EPB41L2: variants seen among roughly 807,000 people sequenced by gnomAD.
The protein encoded by EPB41L2 is erythrocyte membrane protein band 4.1 like 2, also known as band 4.1-like protein 2.
Under a neutral mutation model 113.0 loss-of-function variants are expected in EPB41L2, and 43 were observed. The ratio of observed to expected loss-of-function variants is 0.38; its 90% confidence interval spans 0.30 to 0.49. EPB41L2 has a LOEUF of 0.49. Among genes scored for constraint, EPB41L2 ranks in the 20% least tolerant of loss-of-function variants. EPB41L2 has a pLI of 0.95. For missense variants in EPB41L2, 1,147 were observed against 1,223.4 expected (o/e 0.94, Z 0.93); for synonymous variants, 442 against 436.7 (o/e 1.01, Z -0.15).
chr6:130,953,173 C>A (rs1309652924), intron 3 of EPB41L2, among the ~76,000 whole-genome samples: 1 of 151,724 alleles, frequency 6.6e-6, no homozygotes, highest in African/African-American at 2.4e-5. Flanking sequence ...GTAGGAAAGA[C>A]AAGGGACATG....
intron 1 of EPB41L2, among the ~76,000 whole-genome samples, chr6:130,968,730 C>CTTT (rs11340034): frequency 7.0e-6 from 1 of 142,472 alleles, no homozygotes; most frequent in African/African-American, 2.5e-5. Context: ...GCTATAAAAC[C>CTTT]TTTTTTTTTT....
chr6:130,954,040 C>CTTTCTTTCTTT (rs1816373036), intron 3 of EPB41L2, among the ~76,000 whole-genome samples: 9 of 58,860 alleles, frequency 1.5e-4, no homozygotes, highest in African/African-American at 4.8e-4. Context: ...CCTTTTCTTT[C>CTTTCTTTCTTT]TTTTTTTTTT....
chr6:131,039,498 A>T (rs187879222), intron 1 of EPB41L2, among the ~76,000 whole-genome samples: 11 of 152,326 alleles, frequency 7.2e-5, no homozygotes, highest in Admixed American at 5.9e-4. Context: ...GGCCTTAGAG[A>T]TCATCTAACT....
intron 14 of EPB41L2, chr6:130,870,523 CA>C: frequency 1.2e-6 from 1 of 846,032 alleles, no homozygotes; most frequent in Non-Finnish European, 1.8e-6. Flanking sequence ...ACATAGAGGA[CA>C]ATCAAGACAA....
At chr6:131,029,684 T>C (rs1791668040) in intron 1 of EPB41L2, among the ~76,000 whole-genome samples, 1 of 152,184 alleles carries the variant, frequency 6.6e-6, no homozygotes, top group African/African-American at 2.4e-5. Context: ...TCAGATTTAA[T>C]ACATTTACTT....
At chr6:130,879,649 T>C (rs1439579668) in intron 13 of EPB41L2, among the ~76,000 whole-genome samples, 2 of 152,190 alleles carry the variant, frequency 1.3e-5, no homozygotes, top group Non-Finnish European at 1.5e-5. Flanking sequence ...AATTAGCATA[T>C]TCTCAAACAG....
At chr6:130,952,023 G>T (rs1481654127) in intron 3 of EPB41L2, among the ~76,000 whole-genome samples, 1 of 152,142 alleles carries the variant, frequency 6.6e-6, no homozygotes, top group Non-Finnish European at 1.5e-5. Flanking sequence ...AAGATTTGCA[G>T]ATTTTTTGGC....
At chr6:130,919,541 T>C (rs138994647) in intron 4 of EPB41L2, among the ~76,000 whole-genome samples, 30 of 152,286 alleles carry the variant, frequency 2.0e-4, no homozygotes, top group African/African-American at 7.2e-4. Context: ...TTCAACATCT[T>C]TGAACATTCA....
At chr6:131,038,678 C>T (rs1489674494) in intron 1 of EPB41L2, among the ~76,000 whole-genome samples, 1 of 152,178 alleles carries the variant, frequency 6.6e-6, no homozygotes, top group East Asian at 1.9e-4. Flanking sequence ...TTCCATAATA[C>T]TTCTTTCATT....
At chr6:130,896,257 A>G (rs1382352406) in intron 8 of EPB41L2, among the ~76,000 whole-genome samples, 1 of 152,254 alleles carries the variant, frequency 6.6e-6, no homozygotes, top group Non-Finnish European at 1.5e-5. Flanking sequence ...ATATACAAAT[A>G]AAATTACATT....
intron 4 of EPB41L2, among the ~76,000 whole-genome samples, chr6:130,922,732 T>C (rs1219143428): frequency 1.3e-5 from 2 of 152,158 alleles, no homozygotes; most frequent in African/African-American, 4.8e-5. Context: ...GCCATTTATA[T>C]TTTATTTGGA....
At chr6:130,982,961 C>A (rs1439190855) in intron 1 of EPB41L2, among the ~76,000 whole-genome samples, 2 of 152,208 alleles carry the variant, frequency 1.3e-5, no homozygotes, top group Non-Finnish European at 2.9e-5. Context: ...CGCCTAACAA[C>A]CATGTGTAAA....
At chr6:130,896,607 T>G (rs1794744745) in intron 8 of EPB41L2, among the ~76,000 whole-genome samples, 1 of 152,242 alleles carries the variant, frequency 6.6e-6, no homozygotes, top group Non-Finnish European at 1.5e-5. Context: ...ACAACGCAGA[T>G]TCAAGTAAAT....
At chr6:130,970,092 C>G (rs1326481507) in intron 1 of EPB41L2, among the ~76,000 whole-genome samples, 1 of 152,154 alleles carries the variant, frequency 6.6e-6, no homozygotes, top group East Asian at 1.9e-4. Flanking sequence ...AACATATTCC[C>G]TTGCGAAACA....
At chr6:130,885,841 C>G (rs1790774640) in intron 11 of EPB41L2, among the ~76,000 whole-genome samples, 1 of 151,960 alleles carries the variant, frequency 6.6e-6, no homozygotes, top group Non-Finnish European at 1.5e-5. Context: ...TTTTTAATCC[C>G]CTTCCTCAAT....
At chr6:130,976,384 T>C (rs17059896) in intron 1 of EPB41L2, among the ~76,000 whole-genome samples, 6,965 of 152,288 alleles carry the variant, frequency 0.046, 237 homozygotes, top group East Asian at 0.12. Context: ...TGCACATGCG[T>C]CACCTGCAAA....
chr6:130,863,963 T>C (rs1782930391), intron 17 of EPB41L2, among the ~76,000 whole-genome samples: 1 of 152,226 alleles, frequency 6.6e-6, no homozygotes, highest in South Asian at 2.1e-4. Context: ...TTAAAACTCA[T>C]TTATCAATAT....
At chr6:130,879,345 T>C (rs1299258551) in intron 13 of EPB41L2, among the ~76,000 whole-genome samples, 1 of 152,296 alleles carries the variant, frequency 6.6e-6, no homozygotes, top group East Asian at 1.9e-4. Context: ...TTCAAAGCAA[T>C]GTTACTTATT....
chr6:130,969,110 G>A (rs1776107029), intron 1 of EPB41L2, among the ~76,000 whole-genome samples: 1 of 152,066 alleles, frequency 6.6e-6, no homozygotes, highest in Non-Finnish European at 1.5e-5. Context: ...AGCAGATGTG[G>A]GGGATGATTG....
Sources: allele counts gnomAD v4.1 joint callset (sites outside exome capture counted in the v4.1 genomes callset), GRCh38; gene constraint gnomAD v4.1.1; transcripts MANE v1.5; gene names NCBI Gene and HGNC (gene_info 2026-07-23, HGNC 2026-07-21).